Variants in JAM3 observed in about 807,000 individuals in gnomAD.
The protein encoded by JAM3 is junctional adhesion molecule C.
A neutral mutation model predicts 39.4 loss-of-function variants in JAM3; 31 were observed. That is an observed-to-expected ratio of 0.79 (90% CI 0.59 to 1.06). The LOEUF (loss-of-function observed/expected upper bound fraction) is 1.06, where lower values mean the gene tolerates loss of function less well. Ranked by LOEUF, JAM3 falls within the 50% of genes least tolerant of loss-of-function variation. JAM3 has a pLI of 0.00. For synonymous variants in JAM3, 182 were observed against 148.7 expected (o/e 1.22, Z -1.63); for missense variants, 455 against 391.4 (o/e 1.16, Z -1.37).
At chr11:134,145,859 C>G in intron 5 of JAM3, 87 bp from the exon 6 acceptor site, 1 of 860,046 alleles carries the variant, frequency 1.2e-6, no homozygotes, top group Non-Finnish European at 2.0e-6. Flanking sequence ...GAGCAGGTGT[C>G]GACCTAGTTC....
rs148530941 is a variant in JAM3 at position 134,133,063 on chromosome 11, CTTG to C, written c.77-6783_77-6781del. Among the ~76,000 whole-genome samples, 775 of 152,294 alleles carry C rather than the reference CTTG, an allele frequency of 5.1e-3. 3 individuals carry two copies. The highest frequency in any genetic ancestry group is 0.018 in the African/African-American group (739 of 41,566). ...GATTTTCAGGTTGTTCAGCTTTTTA[CTTG>C]TTGTCAAGATGGATGAGGGTTTCCA... On this transcript the variant is annotated intron_variant, in intron 1 of 8. Transcript: ENST00000299106.
intron 1 of JAM3, among the ~76,000 whole-genome samples, chr11:134,095,297 CTCTT>C (rs544588082): frequency 1.5e-3 from 228 of 152,224 alleles, no homozygotes; most frequent in African/African-American, 5.1e-3. Flanking sequence ...ATATGGAAAA[CTCTT>C]TTTTTTTTAT....
In JAM3 at chr11:134,149,757, C is replaced by A. The variant is rs1038011539; in HGVS notation, c.*576C>A. 1 of 436,106 alleles carries A rather than the reference C, an allele frequency of 2.3e-6. No homozygotes were observed. Among genetic ancestry groups the A allele is most frequent in the Admixed American group, 2.5e-5 (1 of 40,506 alleles). The allele number at this position is 436,106 out of a possible 1,614,324, so 27.0% of individuals were successfully genotyped here. A position where few individuals can be genotyped will look rare whatever the true frequency, so the allele number is the denominator to read the frequency against. On this transcript the variant is annotated 3_prime_UTR_variant, in exon 9 of 9. Transcript: ENST00000299106. ...TTTTTGGATCAGCATTTTGTAAAAA[C>A]AACCAAAATCAGGAAGGTAAATTGG...
At chr11:134,138,608 GAGA>G (rs1389540410) in intron 1 of JAM3, among the ~76,000 whole-genome samples, 1 of 152,230 alleles carries the variant, frequency 6.6e-6, no homozygotes, top group East Asian at 1.9e-4. Flanking sequence ...CATTTTGAAG[GAGA>G]AGTAGAAGGG....
Position 134,144,242 on chromosome 11 carries a change from A to G in JAM3, c.258A>G (p.Gly86=). Residue 86 remains glycine (G), a splice_region_variant and synonymous_variant, in exon 4 of 9, where the codon GGA becomes GGG. Coordinates refer to ENST00000299106, the MANE Select transcript of JAM3 (RefSeq NM_032801.5). ...TYVFFDNKIQ[G]DLAGRAEILG... The stretch of plus-strand genomic sequence containing the variant: ...TAGTGCCTCGTGTCTTTTCTGTAGG[A>G]GACTTGGCGGGTCGTGCAGAAATAC... The G allele has an allele frequency of 6.2e-7, 1 of 1,614,176 alleles. No individual in the cohort carries two copies. The highest frequency in any genetic ancestry group is 8.5e-7 in the Non-Finnish European group (1 of 1,180,030).
intron 1 of JAM3, among the ~76,000 whole-genome samples, chr11:134,101,944 C>T (rs565055297): frequency 6.6e-6 from 1 of 152,170 alleles, no homozygotes; most frequent in East Asian, 1.9e-4. Context: ...CATCTGTATT[C>T]CCAAGAGTCT....
chr11:134,135,053 G>A (rs1199231461), intron 1 of JAM3, among the ~76,000 whole-genome samples: 2 of 152,074 alleles, frequency 1.3e-5, no homozygotes, highest in Non-Finnish European at 2.9e-5. Context: ...TGTTGGTGTT[G>A]TATCAAATCA....
intron 8 of JAM3, 66 bp from the exon 9 acceptor site, chr11:134,149,080 A>C: frequency 2.5e-6 from 4 of 1,577,814 alleles, no homozygotes; most frequent in Non-Finnish European, 3.5e-6. Flanking sequence ...TGTTAGACTT[A>C]CTCCGTGTTT....
intron 3 of JAM3, among the ~76,000 whole-genome samples, chr11:134,143,746 C>T (rs1397924313): frequency 1.3e-5 from 2 of 152,176 alleles, no homozygotes; most frequent in African/African-American, 4.8e-5. Context: ...AACCATTGCC[C>T]AATCCAAGGT....
intron 3 of JAM3, among the ~76,000 whole-genome samples, chr11:134,141,113 G>C (rs1385715444): frequency 6.6e-6 from 1 of 152,096 alleles, no homozygotes; most frequent in Non-Finnish European, 1.5e-5. Context: ...GTGAGTGAAT[G>C]AGAAGGACCA....
At chr11:134,138,820 A>G (rs1942921188) in intron 1 of JAM3, among the ~76,000 whole-genome samples, 2 of 152,200 alleles carry the variant, frequency 1.3e-5, no homozygotes, top group Non-Finnish European at 2.9e-5. Context: ...TTTTGCTAGA[A>G]TTAGTGAAAT....
At chr11:134,101,893 C>G (rs1047875120) in intron 1 of JAM3, among the ~76,000 whole-genome samples, 1 of 151,986 alleles carries the variant, frequency 6.6e-6, no homozygotes, top group Admixed American at 6.6e-5. Flanking sequence ...ATAGCAAGAC[C>G]GCATTTTTAC....
At chr11:134,133,800 C>T (rs571628954) in intron 1 of JAM3, among the ~76,000 whole-genome samples, 2 of 152,146 alleles carry the variant, frequency 1.3e-5, no homozygotes, top group African/African-American at 4.8e-5. Flanking sequence ...CACCACAACA[C>T]TAAAGCCTTG....
At chr11:134,100,675 T>C (rs1427901954) in intron 1 of JAM3, among the ~76,000 whole-genome samples, 1 of 152,200 alleles carries the variant, frequency 6.6e-6, no homozygotes, top group Non-Finnish European at 1.5e-5. Flanking sequence ...CGTCAGGTCC[T>C]GTACTCAGCA....
At chr11:134,123,884 T>C (rs1942586807) in intron 1 of JAM3, 8 of 916,706 alleles carry the variant, frequency 8.7e-6, no homozygotes, top group Non-Finnish European at 1.5e-5. Context: ...TAGGTCAGTA[T>C]TTCTCCAAGT....
Position 134,078,204 on chromosome 11 carries a change from C to A in JAM3, c.76+9045C>A, listed in dbSNP as rs1591768545. Among the ~76,000 whole-genome samples, 3 of 152,044 alleles carry A rather than the reference C, an allele frequency of 2.0e-5. No homozygotes were observed. In the East Asian group the frequency reaches 5.9e-4, roughly 30 times the overall value. On this transcript the variant is annotated intron_variant, in intron 1 of 8. Transcript: ENST00000299106. ...GCATGATCTCGGCCCACTGCAACCACCACCTTCCAAGTTCAAGCGATTCTC... is the reference window on the plus strand; with the variant it reads ...GCATGATCTCGGCCCACTGCAACCAACACCTTCCAAGTTCAAGCGATTCTC...
At chr11:134,132,791 G>A (rs1591801386) in intron 1 of JAM3, among the ~76,000 whole-genome samples, 1 of 151,082 alleles carries the variant, frequency 6.6e-6, no homozygotes. Flanking sequence ...GAGAATGTCT[G>A]GGGGGGCCTG....
At chr11:134,137,429 T>C (rs1281357285) in intron 1 of JAM3, among the ~76,000 whole-genome samples, 2 of 152,228 alleles carry the variant, frequency 1.3e-5, no homozygotes, top group African/African-American at 4.8e-5. Flanking sequence ...TCCCATTTTC[T>C]TATTTCTCTT....
Position 134,133,688 on chromosome 11 carries a change from GAC to G in JAM3, c.77-6159_77-6158del, listed in dbSNP as rs1259467981. 3.9e-5 allele frequency among the ~76,000 whole-genome samples: 6 copies of G among 152,262 alleles called. No individual in the cohort carries two copies. The East Asian group carries it at 9.7e-4, about 25-fold the overall frequency. On this transcript the variant is annotated intron_variant, in intron 1 of 8. Transcript: ENST00000299106. ...TCCACCCAAGGGGAGTGGGGACTGA[GAC>G]ACAGTGGTGAAGGTCACAGCCCAAG... is the stretch of plus-strand genomic sequence containing the variant.
Sources: allele counts gnomAD v4.1 joint callset (sites outside exome capture counted in the v4.1 genomes callset), GRCh38; gene constraint gnomAD v4.1.1; transcripts MANE v1.5; gene names NCBI Gene and HGNC (gene_info 2026-07-23, HGNC 2026-07-21).